ANKS1B: variants seen among roughly 807,000 people sequenced by gnomAD.
ANKS1B encodes the protein ankyrin repeat and sterile alpha motif domain containing 1B.
In ANKS1B, 36 loss-of-function variants were observed where a neutral mutation model predicts 148.3. The ratio of observed to expected loss-of-function variants is 0.24; its 90% CI spans 0.19 to 0.32. The LOEUF is 0.32. ANKS1B is among the 10% of genes least tolerant of loss of function. The pLI is 1.00. For missense variants in ANKS1B, 1,157 were observed against 1,542.6 expected, an observed-to-expected ratio of 0.75 and a Z score of 4.19; for synonymous variants, 542 against 560.8, an observed-to-expected ratio of 0.97 and a Z score of 0.47.
At chr12:99,001,325 C>T (rs887193891) in intron 17 of ANKS1B, among the ~76,000 whole-genome samples, 11 of 152,100 alleles carry the variant, frequency 7.2e-5, no homozygotes, top group Middle Eastern at 3.4e-3. Context: ...GACGAGGTCT[C>T]ACTATGTTGC....
chr12:98,862,408 C>G (rs957200193), intron 17 of ANKS1B, among the ~76,000 whole-genome samples: 3 of 152,100 alleles, frequency 2.0e-5, no homozygotes, highest in East Asian at 1.9e-4. Context: ...CTGATCTATG[C>G]AAAGTACTTA....
chr12:99,630,814 C>T (rs2098151310), intron 9 of ANKS1B, among the ~76,000 whole-genome samples: 1 of 152,170 alleles, frequency 6.6e-6, no homozygotes, highest in Non-Finnish European at 1.5e-5. Flanking sequence ...AGAAGGCTCT[C>T]ACCAGCTCTG....
At chr12:99,343,378 A>G (rs2090205233) in intron 12 of ANKS1B, among the ~76,000 whole-genome samples, 1 of 152,072 alleles carries the variant, frequency 6.6e-6, no homozygotes, top group Non-Finnish European at 1.5e-5. Context: ...TCTGAACTTC[A>G]AACACTGTCT....
chr12:99,442,698 G>A (rs545865943), intron 11 of ANKS1B, among the ~76,000 whole-genome samples: 159 of 151,952 alleles, frequency 1.0e-3, no homozygotes, highest in African/African-American at 3.7e-3. Context: ...TATCAATGAG[G>A]ATGAAGATTA....
intron 1 of ANKS1B, among the ~76,000 whole-genome samples, chr12:99,880,606 T>C (rs761856244): frequency 6.6e-6 from 1 of 152,220 alleles, no homozygotes; most frequent in South Asian, 2.1e-4. Context: ...TAGTATAGAA[T>C]AGTTGTGTAC....
intron 17 of ANKS1B, among the ~76,000 whole-genome samples, chr12:98,950,640 C>T (rs986260447): frequency 6.6e-6 from 1 of 152,110 alleles, no homozygotes; most frequent in Non-Finnish European, 1.5e-5. Flanking sequence ...GTCCTGCCCC[C>T]CAAAAGTCTG....
At chr12:98,786,107 A>G (rs2098792282) in intron 22 of ANKS1B, among the ~76,000 whole-genome samples, 1 of 152,168 alleles carries the variant, frequency 6.6e-6, no homozygotes, top group Non-Finnish European at 1.5e-5. Context: ...AATTATTTTA[A>G]TTTTTACAGC....
intron 12 of ANKS1B, among the ~76,000 whole-genome samples, chr12:99,286,764 C>A (rs1176861610): frequency 6.6e-6 from 1 of 152,280 alleles, no homozygotes; most frequent in South Asian, 2.1e-4. Flanking sequence ...CAGCAGTAAC[C>A]AGGCAATCCT....
At chr12:99,052,220 T>C (rs1319448668) in intron 17 of ANKS1B, among the ~76,000 whole-genome samples, 2 of 152,268 alleles carry the variant, frequency 1.3e-5, no homozygotes, top group East Asian at 1.9e-4. Flanking sequence ...CAAAGTCATG[T>C]ATGCAGATTC....
chr12:99,315,960 A>G (rs1443614133), intron 12 of ANKS1B, among the ~76,000 whole-genome samples: 2 of 152,126 alleles, frequency 1.3e-5, no homozygotes, highest in East Asian at 3.9e-4. Flanking sequence ...TCAGAATGAT[A>G]GTTTCCAGCT....
chr12:98,960,003 T>C (rs534778383), intron 17 of ANKS1B, among the ~76,000 whole-genome samples: 2 of 152,324 alleles, frequency 1.3e-5, no homozygotes, highest in African/African-American at 2.4e-5. Context: ...TTTCTGACTG[T>C]AGGACCTGGC....
At chr12:98,868,110 C>T (rs1173514098) in intron 17 of ANKS1B, among the ~76,000 whole-genome samples, 1 of 152,174 alleles carries the variant, frequency 6.6e-6, no homozygotes, top group Non-Finnish European at 1.5e-5. Flanking sequence ...AAAACACATT[C>T]TGCATTGATT....
intron 14 of ANKS1B, among the ~76,000 whole-genome samples, chr12:99,165,609 G>C (rs1049396189): frequency 4.6e-5 from 7 of 151,846 alleles, no homozygotes; most frequent in African/African-American, 1.7e-4. Flanking sequence ...TCTACCTATT[G>C]AAGTAATTGT....
chr12:99,703,363 T>A (rs1338894814), intron 8 of ANKS1B, among the ~76,000 whole-genome samples: 1 of 152,170 alleles, frequency 6.6e-6, no homozygotes, highest in African/African-American at 2.4e-5. Context: ...TAATGTATTC[T>A]GTGTGCTTCA....
intron 6 of ANKS1B, among the ~76,000 whole-genome samples, chr12:99,776,913 G>C (rs1168321192): frequency 1.3e-5 from 2 of 152,026 alleles, no homozygotes; most frequent in African/African-American, 4.8e-5. Flanking sequence ...TGGAACTCCT[G>C]ACCTTGTAAT....
In ANKS1B at chr12:99,759,879, GA is replaced by G. The variant is rs1482574572; in HGVS notation, c.1128+13042del. ...ATAAGTGTAAAGTACAGATTCTCAG[GA>G]AAATTCTAACAGCTGAGTTCTTCTA... On this transcript the variant is annotated intron_variant, in intron 8 of 26. Transcript: ENST00000683438. Among the ~76,000 whole-genome samples the G allele has an allele frequency of 4.6e-5, 7 of 151,860 alleles. No individual in the cohort carries two copies. The South Asian group carries it at 8.3e-4, about 18-fold the overall frequency.
chr12:99,545,644 A>G (rs73141643), intron 9 of ANKS1B, among the ~76,000 whole-genome samples: 9,182 of 151,934 alleles, frequency 0.06, 390 homozygotes, highest in East Asian at 0.24. Flanking sequence ...GAAGAAATAA[A>G]AGAACTAACG....
intron 17 of ANKS1B, among the ~76,000 whole-genome samples, chr12:98,901,366 T>A (rs1176815260): frequency 6.6e-6 from 1 of 152,192 alleles, no homozygotes; most frequent in Non-Finnish European, 1.5e-5. Context: ...AACGAGAAAG[T>A]CTGAGGTCAG....
At chr12:99,158,841 A>C (rs2076349006) in intron 14 of ANKS1B, among the ~76,000 whole-genome samples, 2 of 152,140 alleles carry the variant, frequency 1.3e-5, no homozygotes, top group Admixed American at 1.3e-4. Context: ...CTTCTCCTCA[A>C]ATCCCAACCA....
Sources: gnomAD v4.1 joint callset for allele counts (sites outside exome capture counted in the v4.1 genomes callset) on GRCh38, gnomAD v4.1.1 for gene constraint, MANE v1.5 for transcripts, NCBI Gene and HGNC (gene_info 2026-07-23, HGNC 2026-07-21) for gene names.